Variants in ATP5PO observed in about 807,000 individuals in gnomAD.
ATP5PO encodes the protein ATP synthase peripheral stalk subunit OSCP.
ATP5PO carries 14 observed loss-of-function variants against 26.2 expected under a neutral mutation model. The observed-to-expected ratio is 0.53, with a 90% CI of 0.35 to 0.83. The LOEUF is 0.83. ATP5PO is among the 40% of genes least tolerant of loss of function. The pLI is 0.01. For missense variants in ATP5PO, 241 were observed against 258.5 expected (o/e 0.93, Z 0.46); for synonymous variants, 106 against 95.1 (o/e 1.12, Z -0.67).
chr21:33,904,230 C>T (rs575387377), intron 5 of ATP5PO, among the ~76,000 whole-genome samples: 11 of 152,300 alleles, frequency 7.2e-5, no homozygotes, highest in African/African-American at 2.4e-4. Flanking sequence ...CAGCATCACC[C>T]GGGCAGCTCC....
intron 2 of ATP5PO, among the ~76,000 whole-genome samples, chr21:33,912,780 CAG>C (rs1987265899): frequency 6.6e-6 from 1 of 152,176 alleles, no homozygotes; most frequent in African/African-American, 2.4e-5. Context: ...CACTGATAGA[CAG>C]TTTCGAGTAT....
At chr21:33,906,646 C>T (rs745870586) in intron 5 of ATP5PO, 61 of 455,896 alleles carry the variant, frequency 1.3e-4, no homozygotes, top group Middle Eastern at 6.5e-4. Context: ...AAAGGCCCAA[C>T]GGCTCTACTC....
chr21:33,910,978 T>C (rs1987239737), intron 3 of ATP5PO, among the ~76,000 whole-genome samples: 1 of 152,242 alleles, frequency 6.6e-6, no homozygotes, highest in African/African-American at 2.4e-5. Flanking sequence ...ACAACTGGCC[T>C]ATGAATTGTT....
At chr21:33,906,067 CCCTG>C (rs1466443471) in intron 5 of ATP5PO, among the ~76,000 whole-genome samples, 1 of 152,116 alleles carries the variant, frequency 6.6e-6, no homozygotes, top group East Asian at 1.9e-4. Flanking sequence ...ACAGAGGGCT[CCCTG>C]CCTATGTCTG....
At position 33,907,367 on chromosome 21, in the gene ATP5PO, C is replaced by T. The variant is rs374032004; in HGVS notation, c.415G>A (p.Val139Ile). Residue 139 changes from valine to isoleucine, a missense_variant, in exon 5 of 7, where the codon GTA (valine) becomes ATA (isoleucine). Physicochemically the swap from Val to Ile is conservative, Grantham distance 29 (BLOSUM62 3). This residue lies in a region of ATP5PO where 39 missense variants were observed against 75.5 expected (regional missense o/e 0.52). Transcript: ENST00000290299. ...STMMSVHRGE[V>I]PCTVTSASPL... ...GATGCAGAGGTCACTGTGCAAGGTA[C>T]CTCTCCGCGATGGACACTCATCATG... is the stretch of plus-strand genomic sequence containing the variant. 30 of 1,614,056 alleles carry T rather than the reference C, an allele frequency of 1.9e-5. 1 individual carries two copies. Among genetic ancestry groups the T allele is most frequent in the East Asian group, 6.7e-5 (3 of 44,882 alleles).
chr21:33,910,017 G>A (rs1156253546), intron 3 of ATP5PO, among the ~76,000 whole-genome samples: 1 of 152,216 alleles, frequency 6.6e-6, no homozygotes, highest in South Asian at 2.1e-4. Flanking sequence ...AAGAGTCTGG[G>A]AGACAGAGTG....
chr21:33,914,644 C>T, intron 1 of ATP5PO, 144 bp from the exon 2 acceptor site: 1 of 702,036 alleles, frequency 1.4e-6, no homozygotes, highest in South Asian at 2.0e-5. Flanking sequence ...TGAGGGTGAG[C>T]TACTTACTAT....
intron 5 of ATP5PO, chr21:33,906,636 A>G (rs953099532): frequency 1.8e-5 from 8 of 455,614 alleles, no homozygotes; most frequent in Non-Finnish European, 2.2e-5. Flanking sequence ...AAAAAGATAC[A>G]AAGGCCCAAC....
rs1333104598 is a variant in ATP5PO, at chr21:33,912,377, A to G, written c.110T>C (p.Ile37Thr). The part of the protein sequence containing the change: ...LVRPPVQVYG[I>T]EGRYATALYS... ...AAGAGCTGTGGCATAGCGACCTTCAATACCGTATACCTGAACAGGAGGCTT... is the reference window on the plus strand; with the variant it reads ...AAGAGCTGTGGCATAGCGACCTTCAGTACCGTATACCTGAACAGGAGGCTT... Residue 37 changes from isoleucine to threonine, a missense_variant, in exon 3 of 7, where the codon ATT becomes ACT. Ile to Thr is a moderately conservative substitution (Grantham distance 89). Around this residue, in one of 3 missense-constraint regions of ATP5PO, gnomAD observed 125 missense variants for 108.5 expected, o/e 1.15. Transcript: ENST00000290299. The G allele has an allele frequency of 1.2e-6, 2 of 1,612,332 alleles. No homozygotes were observed. The highest frequency in any genetic ancestry group is 3.3e-5 in the Admixed American group (2 of 59,924).
chr21:33,909,218 G>C lies in ATP5PO; in HGVS notation c.199-7C>G. The C allele has an allele frequency of 5.0e-6, 8 of 1,606,532 alleles. No individual in the cohort carries two copies. Among genetic ancestry groups the C allele is most frequent in the Non-Finnish European group, 6.8e-6 (8 of 1,177,776 alleles). ...TGGGTTCCTTCAGGATTTGCTGAAAGCATCAAAAAATAATTTCTTAAATTT... is the reference window on the plus strand; with the variant it reads ...TGGGTTCCTTCAGGATTTGCTGAAACCATCAAAAAATAATTTCTTAAATTT... On this transcript the variant is annotated splice_region_variant and splice_polypyrimidine_tract_variant and intron_variant, in intron 3 of 6. Transcript: ENST00000290299.
In ATP5PO at chr21:33,912,305, T is replaced by A; in HGVS notation, c.182A>T (p.Glu61Val). 2.5e-6 allele frequency: 4 copies of A among 1,612,448 alleles called. No homozygotes were observed. Among genetic ancestry groups the A allele is most frequent in the Non-Finnish European group, 3.4e-6 (4 of 1,178,976 alleles). Residue 61 changes from glutamate (E) to valine (V), a missense_variant, in exon 3 of 7, where the codon GAG becomes GTG. Physicochemically the swap from Glu to Val is moderately radical, Grantham distance 121. Coordinates refer to ENST00000290299, the MANE Select transcript of ATP5PO (RefSeq NM_001697.3). ...GCTACTTACTGCTACTCTCAACAAC[T>A]CCTTTTCTACTTGCTCCAGCTTATT... ...KQNKLEQVEK[E>V]LLRVAQILKE...
At chr21:33,911,252 G>A (rs1454257511) in intron 3 of ATP5PO, among the ~76,000 whole-genome samples, 2 of 152,028 alleles carry the variant, frequency 1.3e-5, no homozygotes, top group African/African-American at 2.4e-5. Context: ...CTGGTAATAC[G>A]GTTTATTTAT....
intron 6 of ATP5PO, 77 bp downstream of exon 6, chr21:33,903,858 T>C: frequency 3.0e-6 from 4 of 1,342,868 alleles, no homozygotes; most frequent in Admixed American, 2.2e-5. Context: ...AGATCTAATA[T>C]TTCACTAGTA....
At chr21:33,907,272 C>A in intron 5 of ATP5PO, 69 bp downstream of exon 5, 1 of 1,384,724 alleles carries the variant, frequency 7.2e-7, no homozygotes. Flanking sequence ...CTGTTTTTCC[C>A]TTTTCTTCCT....
chr21:33,914,827 G>C (rs765250221), intron 1 of ATP5PO: 29 of 255,616 alleles, frequency 1.1e-4, no homozygotes, highest in Admixed American at 4.3e-4. Flanking sequence ...AAATTTTGGC[G>C]TTTCTATTAA....
At chr21:33,914,214 GA>G (rs1294885842) in intron 2 of ATP5PO, among the ~76,000 whole-genome samples, 1 of 151,106 alleles carries the variant, frequency 6.6e-6, no homozygotes, top group Non-Finnish European at 1.5e-5. Context: ...AGGGTTAATG[GA>G]AAAACAAATG....
At chr21:33,915,453 C>A (rs1405208270) in intron 1 of ATP5PO, 5 of 511,724 alleles carry the variant, frequency 9.8e-6, no homozygotes, top group Non-Finnish European at 1.7e-5. Flanking sequence ...GAAGGGCAGA[C>A]CCCCTCTCCT....
chr21:33,908,907 G>A, intron 4 of ATP5PO, 175 bp downstream of exon 4: 2 of 639,538 alleles, frequency 3.1e-6, no homozygotes, highest in South Asian at 3.4e-5. Context: ...ATGTGCAAAC[G>A]ATTCACTTAG....
rs1360547931 is a variant in ATP5PO at position 33,914,463 on chromosome 21, G to C, written c.74C>G (p.Ala25Gly). 3 of 1,612,656 alleles carry C rather than the reference G, an allele frequency of 1.9e-6. No homozygotes were observed. The East Asian group carries it at 6.7e-5, about 36-fold the overall frequency. Residue 25 changes from alanine (A) to glycine (G), a missense_variant, in exon 2 of 7, where the codon GCC becomes GGC. Transcript: ENST00000290299. Reference protein sequence around the residue: ...CFSTSVVRPFAKLVRPPVQVY... With the variant: ...CFSTSVVRPFGKLVRPPVQVY... ...AAATTAACATACCCTCACAAGCTTG[G>C]CAAATGGTCTGACCACAGAGGTACT...
Sources: allele counts gnomAD v4.1 joint callset (sites outside exome capture counted in the v4.1 genomes callset), GRCh38; gene constraint gnomAD v4.1.1; regional missense constraint gnomAD v4.1.1; transcripts MANE v1.5; gene names NCBI Gene and HGNC (gene_info 2026-07-23, HGNC 2026-07-21).